CPLANE1: variants seen among roughly 807,000 people sequenced by gnomAD.
CPLANE1 encodes the protein ciliogenesis and planar polarity effector complex subunit 1.
CPLANE1 carries 263 observed loss-of-function variants against 362.5 expected under a neutral mutation model. The ratio of observed to expected loss-of-function variants is 0.73; its 90% CI spans 0.66 to 0.80. The LOEUF (loss-of-function observed/expected upper bound fraction) is 0.80. CPLANE1 is among the 30% of genes least tolerant of loss of function. The pLI is 0.00. For synonymous variants in CPLANE1, 1,212 were observed against 1,302.6 expected (o/e 0.93, Z 1.50); for missense variants, 3,461 against 3,793.4 (o/e 0.91, Z 2.30).
In CPLANE1 at chr5:37,226,713, T is replaced by C; in HGVS notation, c.1882A>G (p.Arg628Gly). The C allele has an allele frequency of 6.5e-7, 1 of 1,547,176 alleles. No homozygotes were observed. Among genetic ancestry groups the C allele is most frequent in the Non-Finnish European group, 8.7e-7 (1 of 1,145,192 alleles). The change falls in exon 12 of 53, where the codon AGA becomes GGA. Residue 628 changes from arginine (R) to glycine (G), a missense_variant. By Grantham distance (125) the Arg-to-Gly change is moderately radical. Transcript: ENST00000651892. ...KLDLVLSKSS[R>G]HNAWILCIFQ... is the part of the protein sequence containing the mutation. Reference sequence around the variant, plus strand: ...ATACAAAGTATCCATGCATTATGTCTTGAGCTTTTGCTTAAAACAAGATCA... The same window carrying C: ...ATACAAAGTATCCATGCATTATGTCCTGAGCTTTTGCTTAAAACAAGATCA...
At position 37,245,859 on chromosome 5, in the gene CPLANE1, CAT is replaced by C. The variant is rs1561730217; in HGVS notation, c.82-16_82-15del. 2.0e-6 allele frequency: 3 copies of C among 1,505,204 alleles called. No homozygotes were observed. The Admixed American group carries it at 7.3e-5, about 36-fold the overall frequency. 93.2% of individuals were successfully genotyped at this position (1,505,204 alleles called of 1,614,324 possible). A position where few individuals can be genotyped will look rare whatever the true frequency, so the allele number is the denominator to read the frequency against. On this transcript the variant is annotated splice_polypyrimidine_tract_variant and intron_variant, in intron 2 of 52. Coordinates refer to ENST00000651892, the MANE Select transcript of CPLANE1 (RefSeq NM_001384732.1). Reference sequence around the variant, plus strand: ...GGCTTCTTTTTCCTAAGAGAAGAAACATGTGAAGGACTCAAGAGGTGCCAGAA... The same window carrying C: ...GGCTTCTTTTTCCTAAGAGAAGAAACGTGAAGGACTCAAGAGGTGCCAGAA...
In CPLANE1 at chr5:37,195,953, T is replaced by C. The variant is rs745930406; in HGVS notation, c.3716A>G (p.Gln1239Arg). 4 of 1,611,696 alleles carry C rather than the reference T, an allele frequency of 2.5e-6. No homozygotes were observed. The highest frequency in any genetic ancestry group is 2.2e-5 in the South Asian group (2 of 90,426). Residue 1239 changes from glutamine to arginine, a missense_variant, in exon 21 of 53, where the codon CAG (glutamine) becomes CGG (arginine). By Grantham distance (43) the Gln-to-Arg change is conservative. Transcript: ENST00000651892. ...TCCTTTACAGTAATTAAGTAATGAC[T>C]GAGGAAAAGGACTCAGTGAAGGAAG... is the stretch of plus-strand genomic sequence containing the variant. ...GSLPSLSPFP[Q>R]SLLNYCKGGI... is the part of the protein sequence containing the mutation.
chr5:37,185,022 A>G lies in CPLANE1; in HGVS notation c.4247T>C (p.Val1416Ala), dbSNP rs1232354293. The change falls in exon 25 of 53, where the codon GTG (valine) becomes GCG (alanine). Residue 1416 changes from valine to alanine, a missense_variant. Physicochemically the swap from Val to Ala is moderately conservative, Grantham distance 64. Coordinates refer to ENST00000651892, the MANE Select transcript of CPLANE1 (RefSeq NM_001384732.1). ...TCTCTGCACACGTTTTAGAGCTTTC[A>G]CCCTCACTTTCTGGATAGAATGCAT... Reference protein sequence around the residue: ...VVMHSIQKVRVKALKRVQRNI... With the variant: ...VVMHSIQKVRAKALKRVQRNI... 1.2e-6 allele frequency: 2 copies of G among 1,613,974 alleles called. No homozygotes were observed. The highest frequency in any genetic ancestry group is 1.7e-6 in the Non-Finnish European group (2 of 1,179,952).
At position 37,237,719 on chromosome 5, in the gene CPLANE1, G is replaced by A. The variant is rs193298168; in HGVS notation, c.938+1138C>T. 2.9e-4 allele frequency among the ~76,000 whole-genome samples: 44 copies of A among 152,284 alleles called. No homozygotes were observed. The East Asian group carries it at 6.8e-3, about 23-fold the overall frequency. The stretch of plus-strand genomic sequence containing the variant: ...AAAAAAATTATCCGGGCATGGTGAC[G>A]GGCGCCTTTAATCCCAGCTACGCGG... On this transcript the variant is annotated intron_variant, in intron 8 of 52. Transcript: ENST00000651892.
At chr5:37,160,978 A>G (rs1232425938) in intron 38 of CPLANE1, among the ~76,000 whole-genome samples, 1 of 152,166 alleles carries the variant, frequency 6.6e-6, no homozygotes, top group African/African-American at 2.4e-5. Flanking sequence ...GCCTATAATT[A>G]CTTTTTTTGA....
chr5:37,229,653 T>C (rs2150495696), intron 9 of CPLANE1, among the ~76,000 whole-genome samples: 1 of 152,318 alleles, frequency 6.6e-6, no homozygotes, highest in East Asian at 1.9e-4. Flanking sequence ...CCAACTTTTC[T>C]GTCTTGTAAA....
At chr5:37,095,954 C>A in the CPLANE1 span, among the ~76,000 whole-genome samples, 2 of 152,188 alleles carry the variant, frequency 1.3e-5, no homozygotes, top group Non-Finnish European at 2.9e-5. Context: ...AAACACATCC[C>A]ATGCTCATGG....
At chr5:37,247,911 C>T (rs966246338) in intron 1 of CPLANE1, 166 bp from the exon 2 acceptor site, 6 of 402,462 alleles carry the variant, frequency 1.5e-5, no homozygotes, top group African/African-American at 8.4e-5. Context: ...GATTCTCCTG[C>T]GTTAGCCTCC....
At chr5:37,158,707 C>T (rs1192518896) in intron 38 of CPLANE1, among the ~76,000 whole-genome samples, 1 of 151,772 alleles carries the variant, frequency 6.6e-6, no homozygotes, top group Non-Finnish European at 1.5e-5. Context: ...AGAAGATTAA[C>T]CTATAACTAA....
chr5:37,138,379 T>C (rs1768472014), intron 46 of CPLANE1: 1 of 287,192 alleles, frequency 3.5e-6, no homozygotes, highest in Admixed American at 4.5e-5. Flanking sequence ...TTGTTTTCCA[T>C]TTGCATGATA....
At chr5:37,080,401 G>A in the CPLANE1 span, among the ~76,000 whole-genome samples, 1 of 152,178 alleles carries the variant, frequency 6.6e-6, no homozygotes, top group African/African-American at 2.4e-5. Context: ...ACAAGATCAA[G>A]AGGGAAAAAG....
intron 5 of CPLANE1, among the ~76,000 whole-genome samples, chr5:37,243,854 T>C: frequency 7.3e-6 from 1 of 137,192 alleles, no homozygotes; most frequent in Non-Finnish European, 1.5e-5. Flanking sequence ...TTATATATTA[T>C]ACTTTTTTTT....
chr5:37,148,331 A>T, intron 42 of CPLANE1, 63 bp from the exon 43 acceptor site: 1 of 1,231,840 alleles, frequency 8.1e-7, no homozygotes, highest in East Asian at 2.5e-5. Context: ...AATAACAAAC[A>T]GTTTTATGTA....
Position 37,169,255 on chromosome 5 carries a change from G to C in CPLANE1, c.6769C>G (p.Pro2257Ala), listed in dbSNP as rs1561477083. Residue 2257 changes from proline to alanine, a missense_variant, in exon 34 of 53, where the codon CCA becomes GCA. Pro to Ala is a conservative substitution (Grantham distance 27). This residue lies in a region of CPLANE1 where 3,380 missense variants were observed against 3,666.1 expected (regional missense o/e 0.92). Transcript: ENST00000651892. ...PQVPFRPLPQ[P>A]REAWGLSDSF... is the part of the protein sequence containing the mutation. ...TCAGATAATCCCCAAGCCTCTCTTG[G>C]TTGTGGCAAAGGCCTGAAGGGAACT... 6.2e-7 allele frequency: 1 copy of C among 1,614,200 alleles called. No individual in the cohort carries two copies.
At chr5:37,097,341 A>G in the CPLANE1 span, among the ~76,000 whole-genome samples, 34 of 152,232 alleles carry the variant, frequency 2.2e-4, no homozygotes. Context: ...CAAAAAAACC[A>G]TGAAAAAGAA....
rs557063068 is a variant in CPLANE1 at position 37,114,649 on chromosome 5, C to T, written c.9400+311G>A. On this transcript the variant is annotated intron_variant, in intron 51 of 52. Coordinates refer to ENST00000651892, the MANE Select transcript of CPLANE1 (RefSeq NM_001384732.1). ...GCACAGTGGCTCATGCCTGTAATCA[C>T]AGGACTTTGGGAGGCTAAGATGGGC... 2.2e-3 allele frequency among the ~76,000 whole-genome samples: 342 copies of T among 152,214 alleles called. 3 individuals are homozygous for T. The highest frequency in any genetic ancestry group is 0.014 in the Middle Eastern group (4 of 294).
At chr5:37,104,854 C>T (rs1019977372), downstream of CPLANE1, among the ~76,000 whole-genome samples, 16 of 149,962 alleles carry the variant, frequency 1.1e-4, no homozygotes, top group African/African-American at 3.0e-4. Context: ...ACCCAGGAAG[C>T]GGAGGTTGCA....
In CPLANE1 at chr5:37,221,431, T is replaced by C. The variant is rs1795334125; in HGVS notation, c.2639A>G (p.His880Arg). 6.5e-7 allele frequency: 1 copy of C among 1,532,242 alleles called. No homozygotes were observed. Among genetic ancestry groups the C allele is most frequent in the Non-Finnish European group, 8.8e-7 (1 of 1,139,748 alleles). The allele number at this position is 1,532,242 out of a possible 1,614,324, so 94.9% of individuals were successfully genotyped here. ...IRYYLSLLYC[H>R]LYSYNLNDAQ... ...ATCATTTAAATTATAGCTATAGAGG[T>C]GGCAGTATAAGAGAGAAAGATAATA... The change falls in exon 15 of 53, where the codon CAC becomes CGC. Residue 880 changes from histidine to arginine, a missense_variant. Physicochemically the swap from His to Arg is conservative, Grantham distance 29. Coordinates refer to ENST00000651892, the MANE Select transcript of CPLANE1 (RefSeq NM_001384732.1).
At position 37,186,400 on chromosome 5, in the gene CPLANE1, G is replaced by A; in HGVS notation, c.4081-6C>T. The A allele has an allele frequency of 2.2e-6, 3 of 1,389,680 alleles. No individual in the cohort carries two copies. Among genetic ancestry groups the A allele is most frequent in the Admixed American group, 3.6e-5 (2 of 55,628 alleles). The allele number at this position is 1,389,680 out of a possible 1,614,324, so 86.1% of individuals were successfully genotyped here. A position where few individuals can be genotyped will look rare whatever the true frequency, so the allele number is the denominator to read the frequency against. The stretch of plus-strand genomic sequence containing the variant: ...TTCACGAAAATTTCTGCTACCTTCA[G>A]AAAAAAAATTGTTTAAGTTTTATGA... On this transcript the variant is annotated splice_polypyrimidine_tract_variant and splice_region_variant and intron_variant, in intron 23 of 52. Coordinates refer to ENST00000651892, the MANE Select transcript of CPLANE1 (RefSeq NM_001384732.1).
Sources: gnomAD v4.1 joint callset for allele counts (sites outside exome capture counted in the v4.1 genomes callset) on GRCh38, gnomAD v4.1.1 for gene constraint, gnomAD v4.1.1 regional missense constraint, MANE v1.5 for transcripts, NCBI Gene and HGNC (gene_info 2026-07-23, HGNC 2026-07-21) for gene names.